CARMIL1: variants seen among roughly 807,000 people sequenced by gnomAD.
The protein encoded by CARMIL1 is F-actin-uncapping protein LRRC16A.
A neutral mutation model predicts 177.1 loss-of-function variants in CARMIL1; 90 were observed. That is an observed-to-expected ratio of 0.51 (90% CI 0.43 to 0.61). CARMIL1 has a LOEUF of 0.61. CARMIL1 is among the 20% of genes least tolerant of loss of function. The probability of loss-of-function intolerance (pLI) is 0.00; values close to 1 mark genes in which losing one functional copy is unlikely to be tolerated. For synonymous variants in CARMIL1, 577 were observed against 606.2 expected, an observed-to-expected ratio of 0.95 and a Z score of 0.71; for missense variants, 1,380 against 1,667.0, an observed-to-expected ratio of 0.83 and a Z score of 3.00.
intron 2 of CARMIL1, among the ~76,000 whole-genome samples, chr6:25,344,450 T>G (rs1032016912): frequency 1.3e-5 from 2 of 152,122 alleles, no homozygotes; most frequent in African/African-American, 2.4e-5. Flanking sequence ...GTTAAATCCT[T>G]CCCTCTCTTC....
chr6:25,620,368 A>T lies in CARMIL1; in HGVS notation c.*785A>T, dbSNP rs532200580. 6.6e-6 allele frequency: 1 copy of T among 152,328 alleles called. No individual in the cohort carries two copies. The highest frequency in any genetic ancestry group is 2.1e-4 in the South Asian group (1 of 4,830). The allele number at this position is 152,328 out of a possible 1,614,324, so 9.4% of individuals were successfully genotyped here. ...GAAGGCCTTTAATTTCTGTCTGCAT[A>T]TTAGCTTTTAATGTGTGATTTTAAG... On this transcript the variant is annotated 3_prime_UTR_variant, in exon 37 of 37. Coordinates refer to ENST00000329474, the MANE Select transcript of CARMIL1 (RefSeq NM_017640.6).
chr6:25,342,808 C>A (rs543689449), intron 2 of CARMIL1, among the ~76,000 whole-genome samples: 1 of 152,214 alleles, frequency 6.6e-6, no homozygotes, highest in East Asian at 1.9e-4. Context: ...TTTAGAAATC[C>A]TTTCCAGCTC....
At chr6:25,457,932 TG>T (rs1173687318) in intron 8 of CARMIL1, among the ~76,000 whole-genome samples, 4 of 152,240 alleles carry the variant, frequency 2.6e-5, no homozygotes, top group Admixed American at 1.3e-4. Flanking sequence ...GAATTATTTT[TG>T]TTCTTTAACA....
At chr6:25,282,115 C>CAAAAAA in intron 1 of CARMIL1, among the ~76,000 whole-genome samples, 1 of 81,752 alleles carries the variant, frequency 1.2e-5, no homozygotes, top group Non-Finnish European at 2.4e-5. Context: ...AACTCCATCT[C>CAAAAAA]AAAAAAAAAA....
At chr6:25,582,340 T>C (rs1174418065) in intron 31 of CARMIL1, among the ~76,000 whole-genome samples, 1 of 152,190 alleles carries the variant, frequency 6.6e-6, no homozygotes, top group Non-Finnish European at 1.5e-5. Context: ...TTCAGCAATG[T>C]CCTTTCAGTT....
At chr6:25,470,183 T>C (rs1582062542) in intron 9 of CARMIL1, among the ~76,000 whole-genome samples, 1 of 152,226 alleles carries the variant, frequency 6.6e-6, no homozygotes, top group East Asian at 1.9e-4. Flanking sequence ...TTTCCCACTT[T>C]ATCCTATTTA....
intron 29 of CARMIL1, chr6:25,576,851 A>G: frequency 6.4e-6 from 2 of 310,642 alleles, no homozygotes; most frequent in Non-Finnish European, 9.4e-6. Flanking sequence ...AAGGCTTTTT[A>G]TGTGTTTTAG....
At chr6:25,293,710 C>T (rs1332480840) in intron 2 of CARMIL1, among the ~76,000 whole-genome samples, 5 of 151,916 alleles carry the variant, frequency 3.3e-5, no homozygotes, top group Admixed American at 6.6e-5. Context: ...TTCCCCCTTC[C>T]CTTCCCTCTT....
intron 4 of CARMIL1, among the ~76,000 whole-genome samples, chr6:25,435,035 A>T (rs1797109596): frequency 6.6e-6 from 1 of 152,242 alleles, no homozygotes; most frequent in African/African-American, 2.4e-5. Context: ...GCAGGGATAT[A>T]AAAACTTTGT....
At chr6:25,316,423 CTTT>C (rs36000746) in intron 2 of CARMIL1, among the ~76,000 whole-genome samples, 3 of 140,404 alleles carry the variant, frequency 2.1e-5, no homozygotes, top group Non-Finnish European at 1.6e-5. Context: ...TTCCAGAGGG[CTTT>C]TTTTTTTTTT....
At chr6:25,461,450 T>G (rs1380800763) in intron 8 of CARMIL1, among the ~76,000 whole-genome samples, 3 of 152,216 alleles carry the variant, frequency 2.0e-5, no homozygotes, top group African/African-American at 7.2e-5. Flanking sequence ...TGTTTGGTGC[T>G]TGATGCTGGC....
chr6:25,522,987 C>T (rs562332602), intron 23 of CARMIL1, among the ~76,000 whole-genome samples: 75 of 152,198 alleles, frequency 4.9e-4, no homozygotes, highest in Non-Finnish European at 9.1e-4. Context: ...TTTATAGAGA[C>T]GAGGTTTCAC....
chr6:25,591,874 C>T (rs1280292762), intron 31 of CARMIL1, among the ~76,000 whole-genome samples: 2 of 152,106 alleles, frequency 1.3e-5, no homozygotes, highest in Non-Finnish European at 2.9e-5. Flanking sequence ...GCTGGGCTGT[C>T]CTGCAGGAAA....
intron 2 of CARMIL1, among the ~76,000 whole-genome samples, chr6:25,320,006 TC>T (rs527303494): frequency 6.5e-4 from 99 of 152,322 alleles, no homozygotes; most frequent in African/African-American, 2.3e-3. Flanking sequence ...CGGACATTAG[TC>T]AATGAAGATT....
chr6:25,459,257 TC>T (rs1799856945), intron 8 of CARMIL1, among the ~76,000 whole-genome samples: 1 of 123,574 alleles, frequency 8.1e-6, no homozygotes, highest in African/African-American at 2.9e-5. Context: ...TTTCTTTCTT[TC>T]TTTCTTTCTT....
intron 10 of CARMIL1, among the ~76,000 whole-genome samples, chr6:25,471,963 A>T (rs1801133769): frequency 6.6e-6 from 1 of 152,220 alleles, no homozygotes; most frequent in African/African-American, 2.4e-5. Context: ...AACATAACTA[A>T]AACAGTGGTT....
chr6:25,519,200 C>A (rs917600182), intron 22 of CARMIL1, among the ~76,000 whole-genome samples: 1 of 152,176 alleles, frequency 6.6e-6, no homozygotes, highest in Non-Finnish European at 1.5e-5. Flanking sequence ...GGCTGAGAAG[C>A]ACACGTGAGT....
At chr6:25,617,180 A>G (rs1457903206) in intron 36 of CARMIL1, among the ~76,000 whole-genome samples, 7 of 152,346 alleles carry the variant, frequency 4.6e-5, no homozygotes, top group Middle Eastern at 3.4e-3. Flanking sequence ...AAGAATCAAC[A>G]TTTAGGTGGA....
At chr6:25,396,768 T>C (rs1469031557) in intron 2 of CARMIL1, among the ~76,000 whole-genome samples, 8 of 152,172 alleles carry the variant, frequency 5.3e-5, no homozygotes, top group Non-Finnish European at 1.0e-4. Flanking sequence ...CTTCTAAAAC[T>C]GCCACGGAAT....
Sources: allele counts gnomAD v4.1 joint callset (sites outside exome capture counted in the v4.1 genomes callset), GRCh38; gene constraint gnomAD v4.1.1; transcripts MANE v1.5; gene names NCBI Gene and HGNC (gene_info 2026-07-23, HGNC 2026-07-21).